CERS6: variants seen among roughly 807,000 people sequenced by gnomAD.
The protein encoded by CERS6 is ceramide synthase 6, also known as LAG1 homolog, ceramide synthase 6.
In CERS6, 26 loss-of-function variants were observed where a neutral mutation model predicts 56.8. The ratio of observed to expected loss-of-function variants is 0.46; its 90% CI spans 0.34 to 0.63. The LOEUF is 0.63. Ranked by LOEUF, CERS6 falls within the 30% of genes least tolerant of loss-of-function variation. The pLI, the probability that CERS6 is intolerant of heterozygous loss-of-function variation, is 0.01. For synonymous variants in CERS6, 164 were observed against 173.3 expected, an observed-to-expected ratio of 0.95 and a Z score of 0.42; for missense variants, 415 against 467.5, an observed-to-expected ratio of 0.89 and a Z score of 1.04.
At chr2:168,748,709 A>C (rs550342223) in intron 8 of CERS6, among the ~76,000 whole-genome samples, 1 of 152,212 alleles carries the variant, frequency 6.6e-6, no homozygotes, top group South Asian at 2.1e-4. Context: ...ACAGGTGGAA[A>C]AGGCTTTCAG....
At chr2:168,705,161 G>A (rs1270191558) in intron 6 of CERS6, among the ~76,000 whole-genome samples, 6 of 152,200 alleles carry the variant, frequency 3.9e-5, no homozygotes, top group East Asian at 3.9e-4. Flanking sequence ...TGGCATTCCC[G>A]TGCCTCAGTT....
At chr2:168,480,576 C>T (rs1057513362) in intron 1 of CERS6, among the ~76,000 whole-genome samples, 2 of 152,080 alleles carry the variant, frequency 1.3e-5, no homozygotes, top group African/African-American at 2.4e-5. Flanking sequence ...TTCCAAGTTC[C>T]GGGTTCTTTA....
intron 3 of CERS6, among the ~76,000 whole-genome samples, chr2:168,615,018 T>G (rs997071979): frequency 2.6e-5 from 4 of 152,068 alleles, no homozygotes; most frequent in East Asian, 1.9e-4. Flanking sequence ...AGCTGAGAAA[T>G]CTGCAGATGG....
rs1241348541 is a variant in CERS6, at chr2:168,769,973, A to G, written c.*311A>G. On this transcript the variant is annotated 3_prime_UTR_variant, in exon 10 of 10. Coordinates refer to ENST00000305747, the MANE Select transcript of CERS6 (RefSeq NM_203463.3). ...AAAAGAGGGTTTCCTCACTCCTTTT[A>G]CTCACTGGGCTCATGACAGTGAAGG... The G allele has an allele frequency of 3.3e-6, 1 of 299,530 alleles. No individual in the cohort carries two copies. The highest frequency in any genetic ancestry group is 6.2e-6 in the Non-Finnish European group (1 of 161,840). The allele number at this position is 299,530 out of a possible 1,614,324, so 18.6% of individuals were successfully genotyped here. A position where few individuals can be genotyped will look rare whatever the true frequency, so the allele number is the denominator to read the frequency against.
intron 6 of CERS6, among the ~76,000 whole-genome samples, chr2:168,703,508 A>C (rs1218504098): frequency 2.0e-5 from 3 of 152,228 alleles, no homozygotes; most frequent in Admixed American, 1.3e-4. Flanking sequence ...CAGTGAGCCA[A>C]GATCACGCCA....
chr2:168,498,453 G>T (rs1269615676), intron 1 of CERS6, among the ~76,000 whole-genome samples: 1 of 152,094 alleles, frequency 6.6e-6, no homozygotes, highest in African/African-American at 2.4e-5. Context: ...TCCAAAGAGG[G>T]GCAAAAGGAA....
intron 6 of CERS6, among the ~76,000 whole-genome samples, chr2:168,697,553 C>CTTTTTTTTTT (rs113250500): frequency 7.1e-6 from 1 of 141,238 alleles, no homozygotes. Flanking sequence ...AACATTCTTC[C>CTTTTTTTTTT]TTTTTTTTTT....
chr2:168,641,773 A>G (rs1025741876), intron 4 of CERS6, among the ~76,000 whole-genome samples: 2 of 152,132 alleles, frequency 1.3e-5, no homozygotes, highest in East Asian at 3.8e-4. Flanking sequence ...GAGTGCTTTC[A>G]TATCAAATTT....
chr2:168,676,366 C>T lies in CERS6; in HGVS notation c.466-14668C>T, dbSNP rs572713013. Among the ~76,000 whole-genome samples the T allele has an allele frequency of 2.6e-5, 4 of 152,166 alleles. No homozygotes were observed. The East Asian group carries it at 7.7e-4, about 29-fold the overall frequency. On this transcript the variant is annotated intron_variant, in intron 4 of 9. Coordinates refer to ENST00000305747, the MANE Select transcript of CERS6 (RefSeq NM_203463.3). ...CATTGGTCATTTGGAATTTACTGGT[C>T]CACTGATGTACGGAGATCTTGCAAG... is the stretch of plus-strand genomic sequence containing the variant.
chr2:168,657,655 G>A (rs1685519772), intron 4 of CERS6, among the ~76,000 whole-genome samples: 1 of 152,248 alleles, frequency 6.6e-6, no homozygotes, highest in Non-Finnish European at 1.5e-5. Context: ...GGGGGACTCA[G>A]TACACCCTCC....
chr2:168,746,137 A>G (rs533534714), intron 8 of CERS6, among the ~76,000 whole-genome samples: 4 of 152,264 alleles, frequency 2.6e-5, no homozygotes, highest in African/African-American at 4.8e-5. Context: ...CATGGGAGCT[A>G]TGTGCCCAGA....
intron 4 of CERS6, among the ~76,000 whole-genome samples, chr2:168,653,154 A>T (rs1243704484): frequency 6.6e-6 from 1 of 152,224 alleles, no homozygotes; most frequent in African/African-American, 2.4e-5. Context: ...ATGAGTATTA[A>T]AATCACTTAA....
intron 6 of CERS6, among the ~76,000 whole-genome samples, chr2:168,702,924 T>C (rs756212447): frequency 3.3e-5 from 5 of 152,200 alleles, no homozygotes; most frequent in Non-Finnish European, 5.9e-5. Flanking sequence ...TGGCAACAGA[T>C]TAAATGTATA....
intron 1 of CERS6, among the ~76,000 whole-genome samples, chr2:168,506,906 A>G (rs1321091253): frequency 6.6e-6 from 1 of 152,198 alleles, no homozygotes; most frequent in Non-Finnish European, 1.5e-5. Flanking sequence ...ATATTTTCCT[A>G]GTGGATTAAT....
intron 2 of CERS6, among the ~76,000 whole-genome samples, chr2:168,558,876 A>C (rs928276905): frequency 1.3e-5 from 2 of 152,206 alleles, no homozygotes; most frequent in South Asian, 2.1e-4. Flanking sequence ...CACACACACA[A>C]AAAAGAAACT....
intron 3 of CERS6, among the ~76,000 whole-genome samples, chr2:168,585,398 A>G (rs1331570156): frequency 1.3e-5 from 2 of 152,250 alleles, no homozygotes; most frequent in African/African-American, 2.4e-5. Context: ...TTCTTCTGCT[A>G]TCCCTGTCTC....
chr2:168,580,204 T>A (rs565252432), intron 3 of CERS6, among the ~76,000 whole-genome samples: 7 of 152,356 alleles, frequency 4.6e-5, no homozygotes, highest in Non-Finnish European at 4.4e-5. Flanking sequence ...TTCCACCAGA[T>A]CTTATTTCAT....
At chr2:168,626,433 A>G (rs1414012614) in intron 3 of CERS6, among the ~76,000 whole-genome samples, 2 of 152,120 alleles carry the variant, frequency 1.3e-5, no homozygotes, top group African/African-American at 2.4e-5. Flanking sequence ...TGAGACCTCA[A>G]TGCTCTGATT....
chr2:168,696,111 G>A (rs578223198), intron 6 of CERS6, among the ~76,000 whole-genome samples: 37 of 152,284 alleles, frequency 2.4e-4, no homozygotes, highest in African/African-American at 8.9e-4. Context: ...AACGTATATT[G>A]TGTTATTTTT....
Sources: allele counts gnomAD v4.1 joint callset (sites outside exome capture counted in the v4.1 genomes callset), GRCh38; gene constraint gnomAD v4.1.1; transcripts MANE v1.5; gene names NCBI Gene and HGNC (gene_info 2026-07-23, HGNC 2026-07-21).